Variants in CRYBG3 observed in about 807,000 individuals in gnomAD.
The protein encoded by CRYBG3 is crystallin beta-gamma domain containing 3.
CRYBG3 carries 127 observed loss-of-function variants against 244.2 expected under a neutral mutation model. The ratio of observed to expected loss-of-function variants is 0.52; its 90% CI spans 0.45 to 0.60. CRYBG3 has a LOEUF of 0.60. Ranked by LOEUF, CRYBG3 falls within the 20% of genes least tolerant of loss-of-function variation. The probability of loss-of-function intolerance (pLI) is 0.00; values close to 1 mark genes in which losing one functional copy is unlikely to be tolerated. For missense variants in CRYBG3, 3,325 were observed against 3,442.5 expected (o/e 0.97, Z 0.85); for synonymous variants, 1,132 against 1,195.8 (o/e 0.95, Z 1.10).
intron 17 of CRYBG3, among the ~76,000 whole-genome samples, chr3:97,920,102 G>A (rs766567): frequency 0.24 from 36,597 of 151,990 alleles, 4,723 homozygotes; most frequent in Middle Eastern, 0.33. Flanking sequence ...CACAAATGCT[G>A]CACAATAACA....
In CRYBG3 at chr3:97,880,103, A is replaced by G. The variant is rs1316351114; in HGVS notation, c.7004+3A>G. On this transcript the variant is annotated splice_donor_region_variant and intron_variant, in intron 6 of 21. Transcript: ENST00000389622. The stretch of plus-strand genomic sequence containing the variant: ...CTAATAAAAGTTGTAAGGGGCTGGT[A>G]AGAAGTTTCTTAAAATTTTATAGCA... The G allele has an allele frequency of 1.0e-5, 15 of 1,459,164 alleles. No individual in the cohort carries two copies. The South Asian group carries it at 1.4e-4, about 13-fold the overall frequency. The allele number at this position is 1,459,164 out of a possible 1,614,324, so 90.4% of individuals were successfully genotyped here.
At chr3:97,852,097 G>A (rs1315925960) in intron 2 of CRYBG3, among the ~76,000 whole-genome samples, 1 of 152,170 alleles carries the variant, frequency 6.6e-6, no homozygotes, top group Non-Finnish European at 1.5e-5. Context: ...TGTCTGGTTG[G>A]TAGTTTAGGA....
chr3:97,883,805 CGTT>C (rs758810485), intron 7 of CRYBG3, among the ~76,000 whole-genome samples: 2 of 152,146 alleles, frequency 1.3e-5, no homozygotes, highest in Non-Finnish European at 2.9e-5. Context: ...CTTTTTCCAA[CGTT>C]GTCAGAATTC....
chr3:97,921,784 T>C (rs568409338), intron 17 of CRYBG3, among the ~76,000 whole-genome samples: 1 of 152,312 alleles, frequency 6.6e-6, no homozygotes, highest in African/African-American at 2.4e-5. Flanking sequence ...TTTCAGACTA[T>C]TGCATAAAAC....
chr3:97,908,442 G>T (rs2039805273), intron 15 of CRYBG3, among the ~76,000 whole-genome samples: 1 of 152,146 alleles, frequency 6.6e-6, no homozygotes, highest in African/African-American at 2.4e-5. Flanking sequence ...TGTATTGGGT[G>T]CATATATATT....
chr3:97,849,170 A>G (rs1029048514), intron 2 of CRYBG3, among the ~76,000 whole-genome samples: 1 of 152,206 alleles, frequency 6.6e-6, no homozygotes, highest in Non-Finnish European at 1.5e-5. Flanking sequence ...GAATTAACTA[A>G]GATAACATGT....
In CRYBG3 at chr3:97,943,235, A is replaced by G. The variant is rs1191800529; in HGVS notation, c.8834A>G (p.Tyr2945Cys). ...QLVLDVKGGN[Y>C]CDKTHVIVNQ... ...GGAATTTCTATTTTAGGAGGAAATT[A>G]TTGTGACAAGACTCATGTAATTGTA... The change falls in exon 22 of 22, where the codon TAT becomes TGT. Residue 2945 changes from tyrosine (Y) to cysteine (C), a missense_variant. Tyr to Cys is a radical substitution (Grantham distance 194). Coordinates refer to ENST00000389622, the MANE Select transcript of CRYBG3 (RefSeq NM_153605.4). 6.4e-7 allele frequency: 1 copy of G among 1,565,060 alleles called. No homozygotes were observed. The highest frequency in any genetic ancestry group is 1.7e-5 in the Admixed American group (1 of 57,162).
chr3:97,841,256 A>ATGTGTGTATATACATATATGTATATATG (rs112761016), intron 1 of CRYBG3, among the ~76,000 whole-genome samples: 75 of 135,242 alleles, frequency 5.5e-4, no homozygotes, highest in African/African-American at 2.4e-3. Flanking sequence ...ATATGTATAT[A>ATGTGTGTATATACATATATGTATATATG]TGTGTATACA....
rs1342274829 is a variant in CRYBG3, at chr3:97,899,042, A to G, written c.7844+17A>G. The G allele has an allele frequency of 6.2e-7, 1 of 1,607,260 alleles. No individual in the cohort carries two copies. The highest frequency in any genetic ancestry group is 8.5e-7 in the Non-Finnish European group (1 of 1,177,402). On this transcript the variant is annotated intron_variant, in intron 13 of 21. Coordinates refer to ENST00000389622, the MANE Select transcript of CRYBG3 (RefSeq NM_153605.4). ...AAGTGGAGTGTAAGTTGCCTCCTCTAAGAACCTTGAGAGTCTTTGGTGTTT... is the reference window on the plus strand; with the variant it reads ...AAGTGGAGTGTAAGTTGCCTCCTCTGAGAACCTTGAGAGTCTTTGGTGTTT...
At chr3:97,853,277 G>T (rs1490762431) in intron 2 of CRYBG3, among the ~76,000 whole-genome samples, 2 of 149,734 alleles carry the variant, frequency 1.3e-5, no homozygotes, top group Non-Finnish European at 2.9e-5. Context: ...TTCCATTCCT[G>T]AGTTACTTCT....
In CRYBG3 at chr3:97,944,044, A is replaced by G. The variant is rs1196048250; in HGVS notation, c.*730A>G. On this transcript the variant is annotated 3_prime_UTR_variant, in exon 22 of 22. Transcript: ENST00000389622. ...CCAAGACATCCCTTTAGGTGACAAG[A>G]CTCTATAACAGTGGTTACCTGTCTC... is the stretch of plus-strand genomic sequence containing the variant. 6.6e-6 allele frequency: 1 copy of G among 151,340 alleles called. No homozygotes were observed. Among genetic ancestry groups the G allele is most frequent in the African/African-American group, 2.4e-5 (1 of 41,182 alleles). The allele number at this position is 151,340 out of a possible 1,614,324, so 9.4% of individuals were successfully genotyped here. A position where few individuals can be genotyped will look rare whatever the true frequency, so the allele number is the denominator to read the frequency against.
In CRYBG3 at chr3:97,889,387, A is replaced by T. The variant is rs2039546031; in HGVS notation, c.7437A>T (p.Leu2479Phe). The T allele has an allele frequency of 2.5e-6, 4 of 1,608,924 alleles. No individual in the cohort carries two copies. The highest frequency in any genetic ancestry group is 3.4e-6 in the Non-Finnish European group (4 of 1,175,462). The change falls in exon 10 of 22, where the codon TTA becomes TTT. Residue 2479 changes from leucine to phenylalanine, a missense_variant. This residue lies in a region of CRYBG3 where 714 missense variants were observed against 803.6 expected (regional missense o/e 0.89). Coordinates refer to ENST00000389622, the MANE Select transcript of CRYBG3 (RefSeq NM_153605.4). The stretch of plus-strand genomic sequence containing the variant: ...TGAAAGTGGAAATGCCCATGAACTT[A>T]AAGGTAAGTCTTGGACTGATTTTTG... Reference protein sequence around the residue: ...GGLKVEMPMNLKVIIYEKPHF... With the variant: ...GGLKVEMPMNFKVIIYEKPHF...
At chr3:97,907,689 A>T (rs2039795164) in intron 15 of CRYBG3, among the ~76,000 whole-genome samples, 1 of 151,220 alleles carries the variant, frequency 6.6e-6, no homozygotes, top group East Asian at 1.9e-4. Flanking sequence ...GATCCTTTCA[A>T]AAAACCAGCT....
intron 17 of CRYBG3, among the ~76,000 whole-genome samples, chr3:97,924,732 A>T: frequency 6.6e-6 from 1 of 151,966 alleles, no homozygotes. Context: ...TCTTACAGGG[A>T]CCCTGGTGGC....
intron 11 of CRYBG3, among the ~76,000 whole-genome samples, chr3:97,893,554 C>G (rs1298608287): frequency 1.3e-5 from 2 of 152,230 alleles, no homozygotes; most frequent in Admixed American, 1.3e-4. Flanking sequence ...GGCAGAAGCC[C>G]CCCAAATCTG....
chr3:97,924,211 C>T, intron 17 of CRYBG3: 1 of 335,900 alleles, frequency 3.0e-6, no homozygotes, highest in East Asian at 9.4e-5. Flanking sequence ...GGTGTTGAGA[C>T]AATTGACCCA....
At chr3:97,911,269 G>C (rs1211852062) in intron 15 of CRYBG3, among the ~76,000 whole-genome samples, 1 of 152,228 alleles carries the variant, frequency 6.6e-6, no homozygotes, top group African/African-American at 2.4e-5. Context: ...CTGTGCCCTA[G>C]TGCAGGCCTG....
chr3:97,877,969 T>A lies in CRYBG3; in HGVS notation c.6775T>A (p.Phe2259Ile), dbSNP rs779001629. 1 of 1,614,134 alleles carries A rather than the reference T, an allele frequency of 6.2e-7. No homozygotes were observed. The highest frequency in any genetic ancestry group is 1.7e-5 in the Admixed American group (1 of 60,006). The part of the protein sequence containing the change: ...SEKGARFGGI[F>I]QEPVSKYFRV... ...AAAAGGAGCCAGATTTGGTGGAATTTTTCAGGAACCAGTGTCAAAATATTT... is the reference window on the plus strand; with the variant it reads ...AAAAGGAGCCAGATTTGGTGGAATTATTCAGGAACCAGTGTCAAAATATTT... The change falls in exon 4 of 22, where the codon TTT becomes ATT. Residue 2259 changes from phenylalanine (F) to isoleucine (I), a missense_variant. Physicochemically the swap from Phe to Ile is conservative, Grantham distance 21. Around this residue, in one of 4 missense-constraint regions of CRYBG3, gnomAD observed 450 missense variants for 424.1 expected, o/e 1.06. Transcript: ENST00000389622.
At chr3:97,839,075 A>G (rs990807776) in intron 1 of CRYBG3, among the ~76,000 whole-genome samples, 2 of 152,152 alleles carry the variant, frequency 1.3e-5, no homozygotes, top group African/African-American at 4.8e-5. Flanking sequence ...ATTTGTGCGT[A>G]CATGTGATTT....
Sources: allele counts gnomAD v4.1 joint callset (sites outside exome capture counted in the v4.1 genomes callset), GRCh38; gene constraint gnomAD v4.1.1; regional missense constraint gnomAD v4.1.1; transcripts MANE v1.5; gene names NCBI Gene and HGNC (gene_info 2026-07-23, HGNC 2026-07-21).